The following ITPR2 variants were observed in gnomAD, a reference collection of about 807,000 sequenced individuals.
The protein encoded by ITPR2 is inositol 1,4,5-trisphosphate-gated calcium channel ITPR2.
Under a neutral mutation model 317.1 loss-of-function variants are expected in ITPR2, and 207 were observed. That is an observed-to-expected ratio of 0.65 (90% CI 0.58 to 0.73). The LOEUF is 0.73. Among genes scored for constraint, ITPR2 ranks in the 30% least tolerant of loss-of-function variants. The pLI is 0.00. For missense variants in ITPR2, 2,613 were observed against 3,284.0 expected, an observed-to-expected ratio of 0.80 and a Z score of 4.99; for synonymous variants, 1,156 against 1,149.1, an observed-to-expected ratio of 1.01 and a Z score of -0.12.
intron 51 of ITPR2, among the ~76,000 whole-genome samples, chr12:26,413,489 G>T (rs1314765040): frequency 2.0e-5 from 3 of 152,176 alleles, no homozygotes; most frequent in Admixed American, 2.0e-4. Context: ...ATACATGAAA[G>T]AATAAACTTA....
intron 9 of ITPR2, among the ~76,000 whole-genome samples, chr12:26,701,284 T>C (rs1388610010): frequency 6.6e-6 from 1 of 152,222 alleles, no homozygotes; most frequent in African/African-American, 2.4e-5. Flanking sequence ...TAATACCTAC[T>C]TATTTTCTTA....
intron 55 of ITPR2, among the ~76,000 whole-genome samples, chr12:26,355,484 G>A (rs532497647): frequency 6.6e-6 from 1 of 152,174 alleles, no homozygotes; most frequent in African/African-American, 2.4e-5. Context: ...CCATTTACAT[G>A]TGTAAAATTG....
chr12:26,578,963 T>A, intron 33 of ITPR2, 130 bp from the exon 34 acceptor site: 2 of 846,834 alleles, frequency 2.4e-6, no homozygotes, highest in Non-Finnish European at 1.7e-6. Context: ...CAGTGCTAGT[T>A]AATAAATATC....
At chr12:26,680,845 A>G (rs1046731007) in intron 13 of ITPR2, among the ~76,000 whole-genome samples, 1 of 152,162 alleles carries the variant, frequency 6.6e-6, no homozygotes, top group East Asian at 1.9e-4. Context: ...GTCCTGGTAC[A>G]CATGTGGAGG....
chr12:26,498,053 T>C (rs566432360), intron 37 of ITPR2, among the ~76,000 whole-genome samples: 7 of 152,350 alleles, frequency 4.6e-5, no homozygotes, highest in East Asian at 1.9e-4. Context: ...AGAATTCTAA[T>C]AGACACTCAG....
intron 34 of ITPR2, among the ~76,000 whole-genome samples, chr12:26,565,604 C>T (rs1357954356): frequency 6.6e-6 from 1 of 151,774 alleles, no homozygotes; most frequent in East Asian, 2.0e-4. Context: ...ATAATATTAC[C>T]AGCTGGTGGA....
chr12:26,566,525 G>A (rs1027829543), intron 34 of ITPR2, among the ~76,000 whole-genome samples: 1 of 146,880 alleles, frequency 6.8e-6, no homozygotes, highest in Non-Finnish European at 1.5e-5. Context: ...AAGAGGAGGA[G>A]GAGAGGAAAG....
At chr12:26,640,109 T>C (rs1362897628) in intron 21 of ITPR2, among the ~76,000 whole-genome samples, 1 of 152,206 alleles carries the variant, frequency 6.6e-6, no homozygotes, top group African/African-American at 2.4e-5. Context: ...TATGCAAGTG[T>C]ATTAACACTT....
intron 55 of ITPR2, among the ~76,000 whole-genome samples, chr12:26,348,878 G>A (rs1938389619): frequency 6.6e-6 from 1 of 151,850 alleles, no homozygotes; most frequent in Non-Finnish European, 1.5e-5. Context: ...GTCCATCTTG[G>A]TCAACATACC....
intron 9 of ITPR2, among the ~76,000 whole-genome samples, chr12:26,704,691 T>C (rs1033028750): frequency 1.3e-5 from 2 of 152,222 alleles, no homozygotes; most frequent in African/African-American, 4.8e-5. Context: ...ATACCTCTCA[T>C]GTACAAGGTG....
chr12:26,731,740 A>G (rs1949031844), intron 2 of ITPR2, among the ~76,000 whole-genome samples: 1 of 152,296 alleles, frequency 6.6e-6, no homozygotes, highest in African/African-American at 2.4e-5. Context: ...CAAGGCTGCA[A>G]TGAGCTATGA....
At chr12:26,549,570 GACAGCTAGCTAAAAAA>G (rs1944473773) in intron 37 of ITPR2, among the ~76,000 whole-genome samples, 1 of 152,032 alleles carries the variant, frequency 6.6e-6, no homozygotes, top group Non-Finnish European at 1.5e-5. Context: ...TAAAAGTACA[GACAGCTAGCTAAAAAA>G]AATTCTCTAG....
intron 22 of ITPR2, 90 bp downstream of exon 22, chr12:26,631,776 T>C (rs1025966033): frequency 1.1e-5 from 12 of 1,118,134 alleles, no homozygotes; most frequent in Non-Finnish European, 1.6e-5. Context: ...TTCAGAATAT[T>C]TACACAGTGA....
intron 55 of ITPR2, among the ~76,000 whole-genome samples, chr12:26,370,369 AGGTCATTGTCACTGCATAAGAT>A (rs1939148030): frequency 6.6e-6 from 1 of 152,176 alleles, no homozygotes; most frequent in South Asian, 2.1e-4. Flanking sequence ...ATAGCATTAC[AGGTCATTGTCACTGCATAAGAT>A]GGGATGGACC....
chr12:26,689,009 A>G (rs574217452), intron 10 of ITPR2, among the ~76,000 whole-genome samples: 2 of 152,256 alleles, frequency 1.3e-5, no homozygotes. Context: ...CACAAAAATA[A>G]AAGTTAACTA....
At chr12:26,785,449 C>T (rs1214383149) in intron 2 of ITPR2, among the ~76,000 whole-genome samples, 7 of 82,962 alleles carry the variant, frequency 8.4e-5, no homozygotes, top group African/African-American at 1.9e-4. Flanking sequence ...GCCCCCTGCC[C>T]GGCCGGCCGC....
intron 54 of ITPR2, among the ~76,000 whole-genome samples, chr12:26,391,939 G>T (rs2136637155): frequency 6.6e-6 from 1 of 152,082 alleles, no homozygotes; most frequent in East Asian, 1.9e-4. Context: ...GCAGGATTCA[G>T]GGGAAGATTG....
intron 2 of ITPR2, among the ~76,000 whole-genome samples, chr12:26,751,053 T>C (rs1488996301): frequency 6.6e-6 from 1 of 151,942 alleles, no homozygotes; most frequent in Non-Finnish European, 1.5e-5. Flanking sequence ...AAAAAGGGTG[T>C]GCACATTTCA....
At chr12:26,779,857 T>C (rs1950046017) in intron 2 of ITPR2, among the ~76,000 whole-genome samples, 1 of 152,196 alleles carries the variant, frequency 6.6e-6, no homozygotes, top group Admixed American at 6.5e-5. Context: ...GTCAGGGGCT[T>C]GGAAGAAGCA....
Sources: allele counts gnomAD v4.1 joint callset (sites outside exome capture counted in the v4.1 genomes callset), GRCh38; gene constraint gnomAD v4.1.1; transcripts MANE v1.5; gene names NCBI Gene and HGNC (gene_info 2026-07-23, HGNC 2026-07-21).